The following DMD variants were observed in gnomAD, a reference collection of about 807,000 sequenced individuals.
DMD encodes dystrophin, also known as mutant dystrophin.
In DMD, 63 loss-of-function variants were observed where a neutral mutation model predicts 330.1. The observed-to-expected ratio is 0.19, with a 90% CI of 0.16 to 0.24. The LOEUF is 0.24. Among genes scored for constraint, DMD ranks in the 10% least tolerant of loss-of-function variants. The probability of loss-of-function intolerance (pLI) is 1.00; values close to 1 mark genes in which losing one functional copy is unlikely to be tolerated. For synonymous variants in DMD, 1,223 were observed against 959.8 expected (o/e 1.27, Z -5.07); for missense variants, 3,344 against 2,684.1 (o/e 1.25, Z -5.43).
chrX:31,340,779 T>C (rs2057687657), intron 61 of DMD, among the ~76,000 whole-genome samples: 1 of 112,371 alleles, frequency 8.9e-6, no homozygotes, highest in Non-Finnish European at 1.9e-5. Context: ...AATTTACCTC[T>C]TCTTCTTTTG....
intron 44 of DMD, among the ~76,000 whole-genome samples, chrX:32,050,570 T>G (rs1325558464): frequency 8.9e-6 from 1 of 111,872 alleles, no homozygotes; most frequent in Non-Finnish European, 1.9e-5. Flanking sequence ...GCAACTGTAC[T>G]TTTTATATGT....
At chrX:31,493,387 T>C (rs2069501140) in intron 57 of DMD, among the ~76,000 whole-genome samples, 1 of 112,473 alleles carries the variant, frequency 8.9e-6, no homozygotes, top group South Asian at 3.7e-4. Flanking sequence ...TGGTCAAATG[T>C]AGACAACAGG....
At chrX:32,833,819 A>G (rs774742955) in intron 4 of DMD, among the ~76,000 whole-genome samples, 2 of 110,173 alleles carry the variant, frequency 1.8e-5, no homozygotes, top group South Asian at 3.9e-4. Context: ...AGACCTCCAT[A>G]TGTGAACATA....
intron 7 of DMD, among the ~76,000 whole-genome samples, chrX:32,716,939 T>C (rs1333569150): frequency 9.0e-6 from 1 of 111,704 alleles, no homozygotes; most frequent in Non-Finnish European, 1.9e-5. Context: ...CAGCAAAACA[T>C]TTAAGATGTG....
intron 1 of DMD, among the ~76,000 whole-genome samples, chrX:33,299,508 A>T (rs936217803): frequency 1.1e-4 from 12 of 111,677 alleles, no homozygotes; most frequent in African/African-American, 3.9e-4. Context: ...CTCCGTGCAG[A>T]TTCTAAGGAA....
At chrX:32,296,873 C>CT (rs766976595) in intron 42 of DMD, among the ~76,000 whole-genome samples, 2 of 111,984 alleles carry the variant, frequency 1.8e-5, no homozygotes, top group South Asian at 7.4e-4. Context: ...ATATATTGAA[C>CT]TTTATTTTTT....
intron 7 of DMD, among the ~76,000 whole-genome samples, chrX:32,794,577 A>C (rs1319419379): frequency 9.0e-6 from 1 of 111,518 alleles, no homozygotes; most frequent in Non-Finnish European, 1.9e-5. Flanking sequence ...CAACAGAGCA[A>C]GACTCCATCT....
intron 59 of DMD, among the ~76,000 whole-genome samples, chrX:31,453,382 G>A (rs1474337864): frequency 4.5e-5 from 5 of 110,695 alleles, no homozygotes; most frequent in Non-Finnish European, 7.6e-5. Context: ...GGCTGGTCTC[G>A]AACTCCTGGC....
At chrX:32,102,630 A>G (rs1294683200) in intron 44 of DMD, among the ~76,000 whole-genome samples, 3 of 111,352 alleles carry the variant, frequency 2.7e-5, no homozygotes, top group Non-Finnish European at 5.6e-5. Flanking sequence ...AGACAAATCT[A>G]TATTTATTTA....
chrX:31,526,229 G>C (rs745659930), intron 55 of DMD, among the ~76,000 whole-genome samples: 9 of 112,348 alleles, frequency 8.0e-5, no homozygotes, highest in African/African-American at 2.9e-4. Flanking sequence ...TTTTTCATCA[G>C]CTTTGACTTT....
chrX:31,920,443 C>T (rs187322155), intron 47 of DMD, among the ~76,000 whole-genome samples: 179 of 111,744 alleles, frequency 1.6e-3, no homozygotes, highest in Non-Finnish European at 2.5e-3. Flanking sequence ...TATCATTTCA[C>T]GATTATTAAA....
intron 45 of DMD, among the ~76,000 whole-genome samples, chrX:31,955,709 T>C (rs2150122363): frequency 8.9e-6 from 1 of 112,341 alleles, no homozygotes; most frequent in African/African-American, 3.2e-5. Context: ...TCCAAATTTA[T>C]AGTTTGGGTA....
At chrX:31,524,141 C>T (rs1030129572) in intron 55 of DMD, among the ~76,000 whole-genome samples, 14 of 111,951 alleles carry the variant, frequency 1.3e-4, no homozygotes, top group South Asian at 3.7e-4. Flanking sequence ...GAAAAAGGCC[C>T]GCTGAGCTGG....
chrX:32,669,036 T>G (rs2061482190), intron 9 of DMD, among the ~76,000 whole-genome samples: 1 of 111,236 alleles, frequency 9.0e-6, no homozygotes, highest in Non-Finnish European at 1.9e-5. Context: ...TGTAGATTCC[T>G]ACCACAGAGT....
At chrX:32,338,298 T>C (rs1415189913) in intron 41 of DMD, among the ~76,000 whole-genome samples, 3 of 111,524 alleles carry the variant, frequency 2.7e-5, no homozygotes, top group East Asian at 2.8e-4. Context: ...TTGACCTTTA[T>C]TGAATTTGAG....
intron 11 of DMD, among the ~76,000 whole-genome samples, chrX:32,638,030 C>T (rs1332354648): frequency 9.0e-6 from 1 of 111,191 alleles, no homozygotes; most frequent in Non-Finnish European, 1.9e-5. Context: ...CAAGAGATGT[C>T]CACATTTAGC....
intron 4 of DMD, among the ~76,000 whole-genome samples, chrX:32,827,660 CTTT>C (rs5902039): frequency 4.7e-4 from 34 of 72,247 alleles, no homozygotes; most frequent in African/African-American, 1.3e-3. Flanking sequence ...ATTAACTCCC[CTTT>C]TTTTTTTTTT....
intron 1 of DMD, among the ~76,000 whole-genome samples, chrX:33,061,532 A>G (rs977933013): frequency 9.0e-6 from 1 of 111,602 alleles, no homozygotes. Context: ...TCAGATATTC[A>G]GTTCTCCCCG....
chrX:31,347,705 C>G (rs1010580499), intron 61 of DMD, among the ~76,000 whole-genome samples: 4 of 112,199 alleles, frequency 3.6e-5, no homozygotes, highest in African/African-American at 1.3e-4. Context: ...GTGCAGGTAC[C>G]CTTTTGATAT....
Sources: allele counts gnomAD v4.1 joint callset (sites outside exome capture counted in the v4.1 genomes callset), GRCh38; gene constraint gnomAD v4.1.1; transcripts MANE v1.5; gene names NCBI Gene and HGNC (gene_info 2026-07-23, HGNC 2026-07-21).